The following DYNC2I1 variants were observed in gnomAD, a reference collection of about 807,000 sequenced individuals.
DYNC2I1 encodes the protein cytoplasmic dynein 2 intermediate chain 1.
DYNC2I1 carries 89 observed loss-of-function variants against 133.4 expected under a neutral mutation model. The ratio of observed to expected loss-of-function variants is 0.67; its 90% CI spans 0.56 to 0.80. DYNC2I1 has a LOEUF of 0.80. Among genes scored for constraint, DYNC2I1 ranks in the 30% least tolerant of loss-of-function variants. DYNC2I1 has a pLI of 0.00. For missense variants in DYNC2I1, 1,291 were observed against 1,314.5 expected (o/e 0.98, Z 0.28); for synonymous variants, 504 against 484.3 (o/e 1.04, Z -0.54).
At chr7:158,851,283 A>G in the DYNC2I1 span, among the ~76,000 whole-genome samples, 5 of 152,156 alleles carry the variant, frequency 3.3e-5, no homozygotes, top group Admixed American at 3.3e-4. Context: ...CTGTAATCAC[A>G]GCACTTTGGG....
At position 158,902,922 on chromosome 7, in the gene DYNC2I1, G is replaced by A. The variant is rs114801328; in HGVS notation, c.1357+327G>A. 901 of 259,220 alleles carry A rather than the reference G, an allele frequency of 3.5e-3. 9 individuals are homozygous for A. Among genetic ancestry groups the A allele is most frequent in the African/African-American group, 0.019 (838 of 45,084 alleles). 16.1% of individuals were successfully genotyped at this position (259,220 alleles called of 1,614,324 possible). The stretch of plus-strand genomic sequence containing the variant: ...TCCAGAGGGAGCTGAGGATGCTGTG[G>A]CCCTCCTCAGTGGGAGCTGAGGATG... On this transcript the variant is annotated intron_variant, in intron 10 of 24. Transcript: ENST00000407559.
intron 12 of DYNC2I1, 92 bp from the exon 13 acceptor site, chr7:158,912,893 T>C (rs1847626972): frequency 6.6e-6 from 6 of 909,194 alleles, no homozygotes; most frequent in Non-Finnish European, 8.4e-6. Context: ...GATACTTACT[T>C]TTGACACAGT....
At chr7:158,905,673 G>C (rs1362176787) in intron 10 of DYNC2I1, among the ~76,000 whole-genome samples, 1 of 151,736 alleles carries the variant, frequency 6.6e-6, no homozygotes, top group Non-Finnish European at 1.5e-5. Context: ...GATAATCTTT[G>C]TTTTTTTTGC....
chr7:158,856,136 C>T (rs542277378), upstream of DYNC2I1, among the ~76,000 whole-genome samples: 1 of 151,192 alleles, frequency 6.6e-6, no homozygotes, highest in South Asian at 2.1e-4. Flanking sequence ...TTAGTAGAGA[C>T]GGGGTTTCAC....
At chr7:158,853,967 CTCAAA>C (rs1477509311), upstream of DYNC2I1, among the ~76,000 whole-genome samples, 3 of 149,018 alleles carry the variant, frequency 2.0e-5, no homozygotes, top group Non-Finnish European at 3.0e-5. Flanking sequence ...TTTATTATTG[CTCAAA>C]TCAGTGTCCC....
At chr7:158,877,988 G>A (rs1030417022) in intron 4 of DYNC2I1, among the ~76,000 whole-genome samples, 9 of 152,366 alleles carry the variant, frequency 5.9e-5, no homozygotes, top group Admixed American at 5.9e-4. Context: ...ATGAGGCTGT[G>A]GAGGCCAGGA....
At chr7:158,890,139 C>T (rs868244806) in intron 7 of DYNC2I1, among the ~76,000 whole-genome samples, 11 of 151,884 alleles carry the variant, frequency 7.2e-5, no homozygotes, top group Non-Finnish European at 1.0e-4. Flanking sequence ...CGAGCCACCA[C>T]AACTGGCCTA....
intron 1 of DYNC2I1, among the ~76,000 whole-genome samples, chr7:158,865,693 CT>C (rs1361647297): frequency 6.6e-6 from 1 of 152,216 alleles, no homozygotes; most frequent in African/African-American, 2.4e-5. Context: ...TGCTGGGGAA[CT>C]TTGCCCTTTG....
chr7:158,948,230 C>T (rs1489335630), downstream of DYNC2I1, among the ~76,000 whole-genome samples: 1 of 152,216 alleles, frequency 6.6e-6, no homozygotes, highest in Non-Finnish European at 1.5e-5. Context: ...GAGGCGGTTC[C>T]TTCCCACCGT....
At chr7:158,921,193 T>G (rs1849042801) in intron 15 of DYNC2I1, among the ~76,000 whole-genome samples, 1 of 152,092 alleles carries the variant, frequency 6.6e-6, no homozygotes, top group Admixed American at 6.5e-5. Flanking sequence ...GAGGCCTCAC[T>G]GTGAGTGAAA....
chr7:158,886,227 T>G (rs759729661), intron 6 of DYNC2I1, among the ~76,000 whole-genome samples: 2 of 151,934 alleles, frequency 1.3e-5, no homozygotes, highest in African/African-American at 2.4e-5. Flanking sequence ...ACCTCCCTGG[T>G]TCAAGCAAAT....
At chr7:158,933,578 G>C (rs1850440272) in intron 21 of DYNC2I1, among the ~76,000 whole-genome samples, 1 of 152,236 alleles carries the variant, frequency 6.6e-6, no homozygotes, top group South Asian at 2.1e-4. Flanking sequence ...ATCCTAAGCT[G>C]AGTGGGTGTG....
chr7:158,897,488 G>A (rs904505153), intron 8 of DYNC2I1, among the ~76,000 whole-genome samples: 1 of 152,114 alleles, frequency 6.6e-6, no homozygotes, highest in African/African-American at 2.4e-5. Flanking sequence ...TGTCTTTGAT[G>A]AAATTGGCCC....
At chr7:158,886,645 C>T (rs922602846) in intron 6 of DYNC2I1, among the ~76,000 whole-genome samples, 4 of 152,024 alleles carry the variant, frequency 2.6e-5, no homozygotes, top group Non-Finnish European at 4.4e-5. Flanking sequence ...TCTCTGTCGC[C>T]CAGGCTGTAG....
At chr7:158,900,184 C>T (rs553456700) in intron 8 of DYNC2I1, among the ~76,000 whole-genome samples, 1 of 149,838 alleles carries the variant, frequency 6.7e-6, no homozygotes, top group African/African-American at 2.5e-5. Flanking sequence ...TGCAATGGTG[C>T]GATCTCAGCT....
At chr7:158,937,506 G>A (rs2129488208) in intron 23 of DYNC2I1, among the ~76,000 whole-genome samples, 1 of 152,014 alleles carries the variant, frequency 6.6e-6, no homozygotes, top group South Asian at 2.1e-4. Context: ...GGCGCCTGTA[G>A]TCCCAGCTAC....
intron 12 of DYNC2I1, among the ~76,000 whole-genome samples, chr7:158,912,750 T>C (rs984147027): frequency 1.3e-5 from 2 of 152,192 alleles, no homozygotes; most frequent in Non-Finnish European, 2.9e-5. Flanking sequence ...GCAGGTGAGG[T>C]GGCAGTATTT....
rs1212875596 is a variant in DYNC2I1, at chr7:158,891,281, G to T, written c.1007G>T (p.Gly336Val). The change falls in exon 8 of 25, where the codon GGC becomes GTC. Residue 336 changes from glycine to valine, a missense_variant. Physicochemically the swap from Gly to Val is moderately radical, Grantham distance 109. Transcript: ENST00000407559. ...DSRRKHGHEE[G>V]SSVWWKLDQR... Reference sequence around the variant, plus strand: ...CTCCATTAGCATGGCCACGAGGAAGGCTCTTCTGTGTGGTGGAAGCTGGAC... The same window carrying T: ...CTCCATTAGCATGGCCACGAGGAAGTCTCTTCTGTGTGGTGGAAGCTGGAC... The T allele has an allele frequency of 6.2e-7, 1 of 1,613,932 alleles. No homozygotes were observed. Among genetic ancestry groups the T allele is most frequent in the African/African-American group, 1.3e-5 (1 of 74,946 alleles).
chr7:158,840,709 A>G, the DYNC2I1 span, among the ~76,000 whole-genome samples: 1 of 152,356 alleles, frequency 6.6e-6, no homozygotes, highest in East Asian at 1.9e-4. Context: ...CGAATCAGAT[A>G]TGGGCCCCAG....
Sources: gnomAD v4.1 joint callset for allele counts (sites outside exome capture counted in the v4.1 genomes callset) on GRCh38, gnomAD v4.1.1 for gene constraint, MANE v1.5 for transcripts, NCBI Gene and HGNC (gene_info 2026-07-23, HGNC 2026-07-21) for gene names.